OR7E24: variants seen among roughly 807,000 people sequenced by gnomAD.
The protein encoded by OR7E24 is olfactory receptor 7E24.
For synonymous variants in OR7E24, 130 were observed against 157.5 expected (o/e 0.83, Z 1.31); for missense variants, 385 against 410.3 (o/e 0.94, Z 0.53).
chr19:9,224,004 C>A, the OR7E24 span, among the ~76,000 whole-genome samples: 1 of 152,028 alleles, frequency 6.6e-6, no homozygotes, highest in Admixed American at 6.6e-5. Context: ...GTGTGTGCCA[C>A]CACACCCAGC....
the OR7E24 span, among the ~76,000 whole-genome samples, chr19:9,220,220 C>G: frequency 6.6e-6 from 1 of 152,100 alleles, no homozygotes; most frequent in African/African-American, 2.4e-5. Flanking sequence ...TTAGCATTTT[C>G]AAAGAATATC....
At position 9,251,349 on chromosome 19, in the gene OR7E24, C is replaced by T. The variant is rs756196730; in HGVS notation, c.306C>T (p.Asp102=). 4 of 1,614,040 alleles carry T rather than the reference C, an allele frequency of 2.5e-6. No homozygotes were observed. In the South Asian group the frequency reaches 4.4e-5, roughly 18 times the overall value. Residue 102 remains aspartate, a synonymous_variant, in exon 1 of 1, where the codon GAC becomes GAT. Coordinates refer to ENST00000456448, the MANE Select transcript of OR7E24 (RefSeq NM_001079935.2). ...CCACGGTCCCCAAGATGATTGTGGACATGCAAACTCACAGCAGAGTCATCT... is the reference window on the plus strand; with the variant it reads ...CCACGGTCCCCAAGATGATTGTGGATATGCAAACTCACAGCAGAGTCATCT... ...TSTTVPKMIV[D]MQTHSRVISY...
At chr19:9,224,580 A>G in the OR7E24 span, among the ~76,000 whole-genome samples, 10 of 151,892 alleles carry the variant, frequency 6.6e-5, 1 homozygote, top group Admixed American at 6.6e-5. Context: ...ACAAGGTGAA[A>G]CCCTGTCTCT....
chr19:9,221,505 G>C, the OR7E24 span, among the ~76,000 whole-genome samples: 536 of 146,038 alleles, frequency 3.7e-3, no homozygotes, highest in Non-Finnish European at 5.8e-3. Context: ...CGCCTGCCAC[G>C]ACGCCCGGCT....
At chr19:9,249,487 G>T (rs1448902661), upstream of OR7E24, among the ~76,000 whole-genome samples, 3 of 152,014 alleles carry the variant, frequency 2.0e-5, no homozygotes, top group Non-Finnish European at 4.4e-5. Context: ...CATAATAATA[G>T]CATCTACAAC....
At chr19:9,235,281 C>G in the OR7E24 span, 1 of 1,320,380 alleles carries the variant, frequency 7.6e-7, no homozygotes, top group Middle Eastern at 1.8e-4. Flanking sequence ...TACTCATCAT[C>G]CTGGCCGTCA....
the OR7E24 span, chr19:9,235,858 T>C: frequency 1.2e-6 from 2 of 1,610,178 alleles, no homozygotes; most frequent in South Asian, 1.1e-5. Context: ...CAAAGCCTTT[T>C]CCACCTGTGG....
upstream of OR7E24, chr19:9,247,472 A>G (rs555475137): frequency 1.2e-4 from 48 of 398,652 alleles, no homozygotes; most frequent in African/African-American, 9.6e-4. Flanking sequence ...AGGACAGCGG[A>G]CCTACTCTCC....
At chr19:9,233,907 C>CT in the OR7E24 span, among the ~76,000 whole-genome samples, 8,661 of 143,490 alleles carry the variant, frequency 0.06, 665 homozygotes, top group African/African-American at 0.17. Flanking sequence ...ACATGTCTTT[C>CT]TTTTTTTTTT....
the OR7E24 span, among the ~76,000 whole-genome samples, chr19:9,218,886 G>C: frequency 3.9e-5 from 6 of 151,908 alleles, no homozygotes; most frequent in South Asian, 2.1e-4. Flanking sequence ...TGCCCGCCTC[G>C]GCCTCCCAAA....
chr19:9,249,638 G>A (rs1235664378), upstream of OR7E24, among the ~76,000 whole-genome samples: 6 of 152,046 alleles, frequency 3.9e-5, no homozygotes, highest in East Asian at 5.8e-4. Context: ...CAGCCACAAC[G>A]AAAGTAATGC....
At chr19:9,221,273 G>GAA in the OR7E24 span, among the ~76,000 whole-genome samples, 50 of 107,596 alleles carry the variant, frequency 4.6e-4, 1 homozygote, top group African/African-American at 1.5e-3. Flanking sequence ...CTCGTCTCAA[G>GAA]AAAAAAAAAA....
upstream of OR7E24, among the ~76,000 whole-genome samples, chr19:9,246,446 C>T (rs113535411): frequency 1.4e-5 from 2 of 144,028 alleles, no homozygotes; most frequent in Non-Finnish European, 3.0e-5. Context: ...TGGGATAAAG[C>T]TTATTTACCC....
At chr19:9,232,018 A>C in the OR7E24 span, among the ~76,000 whole-genome samples, 1 of 152,194 alleles carries the variant, frequency 6.6e-6, no homozygotes, top group Admixed American at 6.5e-5. Context: ...TGAGGGTAAG[A>C]GAGTCCTTGG....
At chr19:9,214,523 C>T in the OR7E24 span, 1 of 1,614,144 alleles carries the variant, frequency 6.2e-7, no homozygotes, top group East Asian at 2.2e-5. Flanking sequence ...CAGCAAACAT[C>T]ATTAAAAAAT....
chr19:9,214,935 A>G, the OR7E24 span: 1 of 685,282 alleles, frequency 1.5e-6, no homozygotes, highest in Non-Finnish European at 2.5e-6. Context: ...TCACCTTTTG[A>G]TGGACATTTG....
the OR7E24 span, among the ~76,000 whole-genome samples, chr19:9,232,416 T>C: frequency 1.3e-5 from 2 of 151,332 alleles, no homozygotes; most frequent in Non-Finnish European, 2.9e-5. Context: ...TGTGCGCCTG[T>C]AGTCCCAGCT....
chr19:9,233,357 AT>A, the OR7E24 span, among the ~76,000 whole-genome samples: 1 of 152,142 alleles, frequency 6.6e-6, no homozygotes, highest in African/African-American at 2.4e-5. Flanking sequence ...AGTTTTGAAT[AT>A]TTTGAACCAA....
chr19:9,221,471 C>T, the OR7E24 span, among the ~76,000 whole-genome samples: 2 of 149,204 alleles, frequency 1.3e-5, no homozygotes, highest in South Asian at 2.2e-4. Flanking sequence ...CTGCCTCAGC[C>T]TCCCGAGTAG....
Sources: gnomAD v4.1 joint callset for allele counts (sites outside exome capture counted in the v4.1 genomes callset) on GRCh38, gnomAD v4.1.1 for gene constraint, MANE v1.5 for transcripts, NCBI Gene and HGNC (gene_info 2026-07-23, HGNC 2026-07-21) for gene names.